Variants in KDM2B observed in about 807,000 individuals in gnomAD.
KDM2B encodes lysine-specific demethylase 2B.
Under a neutral mutation model 150.0 loss-of-function variants are expected in KDM2B, and 26 were observed. The ratio of observed to expected loss-of-function variants is 0.17; its 90% CI spans 0.13 to 0.24. The LOEUF (loss-of-function observed/expected upper bound fraction) is 0.24. Among genes scored for constraint, KDM2B ranks in the 10% least tolerant of loss-of-function variants. KDM2B has a pLI of 1.00. For missense variants in KDM2B, 1,265 were observed against 1,816.9 expected, an observed-to-expected ratio of 0.70 and a Z score of 5.52; for synonymous variants, 734 against 729.5, an observed-to-expected ratio of 1.01 and a Z score of -0.10.
intron 9 of KDM2B, among the ~76,000 whole-genome samples, chr12:121,519,922 C>T (rs1277884452): frequency 1.3e-5 from 2 of 152,186 alleles, no homozygotes; most frequent in Non-Finnish European, 2.9e-5. Context: ...GAGACAGGTC[C>T]GGCTCTGTCG....
intron 10 of KDM2B, among the ~76,000 whole-genome samples, chr12:121,511,871 G>A (rs1207022523): frequency 4.6e-5 from 7 of 152,220 alleles, no homozygotes; most frequent in African/African-American, 1.7e-4. Flanking sequence ...GATGGAGGGG[G>A]TGTCTCCCTC....
At chr12:121,474,390 C>G (rs1881115627) in intron 12 of KDM2B, among the ~76,000 whole-genome samples, 1 of 152,026 alleles carries the variant, frequency 6.6e-6, no homozygotes, top group Admixed American at 6.6e-5. Context: ...GTAGCGGGTG[C>G]CTGTAGTCCC....
At chr12:121,579,521 A>C (rs1891778306) in intron 1 of KDM2B, 3 of 1,076,066 alleles carry the variant, frequency 2.8e-6, no homozygotes, top group African/African-American at 3.3e-5. Context: ...CCAGTGCAAG[A>C]AGAGGAGGTG....
At chr12:121,496,389 C>T (rs185981992) in intron 11 of KDM2B, among the ~76,000 whole-genome samples, 4 of 152,164 alleles carry the variant, frequency 2.6e-5, no homozygotes, top group Admixed American at 1.3e-4. Flanking sequence ...AGAGCAGAAG[C>T]GCTCAGGAGA....
At chr12:121,555,934 G>GT (rs1172530826) in intron 4 of KDM2B, among the ~76,000 whole-genome samples, 97 of 146,720 alleles carry the variant, frequency 6.6e-4, no homozygotes, top group Non-Finnish European at 6.7e-4. Flanking sequence ...TTTGTTTTTT[G>GT]TTTTTTTTTT....
chr12:121,433,062 G>A (rs1321349971), intron 22 of KDM2B: 1 of 447,142 alleles, frequency 2.2e-6, no homozygotes, highest in African/African-American at 2.0e-5. Context: ...AGACCTGGAG[G>A]CCCAGCTGGC....
In KDM2B at chr12:121,550,797, AT is replaced by A. The variant is rs368990532; in HGVS notation, c.398-1160del. ...GCATGAGCCACCGCAACTGGCCTAG[AT>A]TTTTTTTTCCCTACAATAGCCATAC... On this transcript the variant is annotated intron_variant, in intron 4 of 22. Coordinates refer to ENST00000377071, the MANE Select transcript of KDM2B (RefSeq NM_032590.5). 2.8e-4 allele frequency among the ~76,000 whole-genome samples: 43 copies of A among 151,474 alleles called. 1 individual carries two copies. The East Asian group carries it at 3.1e-3, about 11-fold the overall frequency.
intron 12 of KDM2B, among the ~76,000 whole-genome samples, chr12:121,471,717 C>G (rs1360632272): frequency 6.6e-6 from 1 of 152,190 alleles, no homozygotes; most frequent in Non-Finnish European, 1.5e-5. Context: ...ACAAAGGCCA[C>G]AGCTAAAGCT....
intron 12 of KDM2B, among the ~76,000 whole-genome samples, chr12:121,483,561 C>G (rs1882392815): frequency 6.6e-6 from 1 of 151,480 alleles, no homozygotes; most frequent in Non-Finnish European, 1.5e-5. Context: ...TCTGTAGTCC[C>G]AGGTACCTGG....
chr12:121,455,431 G>A (rs1441106199), intron 12 of KDM2B, among the ~76,000 whole-genome samples: 2 of 152,252 alleles, frequency 1.3e-5, no homozygotes, highest in African/African-American at 4.8e-5. Flanking sequence ...AGCAAAGGGC[G>A]CCAGGAACGG....
chr12:121,413,043 C>T, the KDM2B span, among the ~76,000 whole-genome samples: 132 of 146,042 alleles, frequency 9.0e-4, no homozygotes, highest in Non-Finnish European at 1.3e-3. Context: ...TTCCTCTTTT[C>T]GAGGCAGAGT....
intron 11 of KDM2B, 85 bp downstream of exon 11, chr12:121,509,482 C>T: frequency 2.6e-6 from 4 of 1,545,336 alleles, no homozygotes; most frequent in South Asian, 2.5e-5. Context: ...ACAGAGCCAT[C>T]GTGAGCTGAG....
intron 11 of KDM2B, among the ~76,000 whole-genome samples, chr12:121,502,680 G>A (rs1884678789): frequency 6.8e-6 from 1 of 147,144 alleles, no homozygotes; most frequent in Non-Finnish European, 1.5e-5. Context: ...CCAGCAGTTT[G>A]AGAGGCTGAG....
chr12:121,521,010 A>T lies in KDM2B; in HGVS notation c.1022T>A (p.Ile341Asn). ...CCGCGTCCTGTCCTCGATCTCGTAG[A>T]TCCGCAGCTGCATGGGCACGTTAAA... ...HSFNVPMQLR[I>N]YEIEDRTRVQ... The change falls in exon 9 of 23, where the codon ATC (isoleucine) becomes AAC (asparagine). Residue 341 changes from isoleucine to asparagine, a missense_variant. Around this residue, in one of 11 missense-constraint regions of KDM2B, gnomAD observed 214 missense variants for 447.4 expected, o/e 0.48. Transcript: ENST00000377071. This position sits in a 1 kb window ranked among gnomAD's most constrained non-coding sequence, Gnocchi z 4.9. 6.2e-7 allele frequency: 1 copy of T among 1,614,014 alleles called. No homozygotes were observed. Among genetic ancestry groups the T allele is most frequent in the Non-Finnish European group, 8.5e-7 (1 of 1,179,952 alleles).
chr12:121,581,067 CG>C (rs1266215593), upstream of KDM2B: 6 of 965,208 alleles, frequency 6.2e-6, no homozygotes, highest in African/African-American at 1.0e-4. Context: ...CGCAGCTGAC[CG>C]GAAGACGTTG....
intron 6 of KDM2B, among the ~76,000 whole-genome samples, chr12:121,536,813 C>T (rs944911156): frequency 2.6e-5 from 4 of 152,176 alleles, no homozygotes; most frequent in African/African-American, 7.2e-5. Context: ...CCGCGGGTAC[C>T]CACAGCAGAG....
chr12:121,551,502 C>T (rs1889491378), intron 4 of KDM2B, among the ~76,000 whole-genome samples: 1 of 152,062 alleles, frequency 6.6e-6, no homozygotes, highest in African/African-American at 2.4e-5. Flanking sequence ...GGCACCACCA[C>T]ATCCAACCAG....
intron 6 of KDM2B, among the ~76,000 whole-genome samples, chr12:121,546,413 C>T (rs1454737237): frequency 1.7e-5 from 2 of 116,838 alleles, no homozygotes; most frequent in African/African-American, 3.5e-5. Flanking sequence ...GACGGAGTCT[C>T]GCTCTGTCAC....
intron 9 of KDM2B, among the ~76,000 whole-genome samples, chr12:121,514,275 C>G (rs887875216): frequency 4.6e-5 from 7 of 152,096 alleles, no homozygotes; most frequent in Non-Finnish European, 1.0e-4. Flanking sequence ...ACCACCACGC[C>G]TGGCTGGGTT....
Sources: allele counts gnomAD v4.1 joint callset (sites outside exome capture counted in the v4.1 genomes callset), GRCh38; gene constraint gnomAD v4.1.1; regional missense constraint gnomAD v4.1.1; non-coding constraint Gnocchi (gnomAD v3.1); transcripts MANE v1.5; gene names NCBI Gene and HGNC (gene_info 2026-07-23, HGNC 2026-07-21).